Variants in ERI1 observed in about 807,000 individuals in gnomAD.
ERI1 encodes the protein exoribonuclease 1.
In ERI1, 39 loss-of-function variants were observed where a neutral mutation model predicts 39.7. That is an observed-to-expected ratio of 0.98 (90% CI 0.76 to 1.28). The LOEUF (loss-of-function observed/expected upper bound fraction) is 1.28, where lower values mean the gene tolerates loss of function less well. Among genes scored for constraint, ERI1 ranks in the 50% most tolerant of loss-of-function variants. The pLI, the probability that ERI1 is intolerant of heterozygous loss-of-function variation, is 0.00. For missense variants in ERI1, 581 were observed against 416.9 expected (o/e 1.39, Z -3.43); for synonymous variants, 204 against 149.6 (o/e 1.36, Z -2.65).
In ERI1 at chr8:9,003,044, C is replaced by G; in HGVS notation, c.-20C>G. ...GCAAGTGTCCGGCTCCAGCAACTCT[C>G]CTCTGGCGTGACAGCCGGCATGGAG... On this transcript the variant is annotated 5_prime_UTR_variant, in exon 1 of 7. Transcript: ENST00000250263. The G allele has an allele frequency of 8.1e-7, 1 of 1,238,892 alleles. No individual in the cohort carries two copies. The highest frequency in any genetic ancestry group is 1.0e-6 in the Non-Finnish European group (1 of 980,506). 76.7% of individuals were successfully genotyped at this position (1,238,892 alleles called of 1,614,324 possible).
chr8:9,022,180 G>A (rs544419187), intron 6 of ERI1, among the ~76,000 whole-genome samples: 1 of 152,180 alleles, frequency 6.6e-6, no homozygotes, highest in Non-Finnish European at 1.5e-5. Flanking sequence ...CATTTTAAAT[G>A]TTTTGTAAAT....
At chr8:9,047,205 C>T (rs989302434) in intron 3 of ERI1, among the ~76,000 whole-genome samples, 1 of 152,180 alleles carries the variant, frequency 6.6e-6, no homozygotes, top group Non-Finnish European at 1.5e-5. Context: ...CACCATCCCA[C>T]ACCTAAAAAT....
intron 3 of ERI1, among the ~76,000 whole-genome samples, chr8:9,056,108 C>G (rs917650212): frequency 2.0e-5 from 3 of 152,204 alleles, no homozygotes; most frequent in African/African-American, 7.2e-5. Context: ...TGCCTATGTG[C>G]TATGGGTTCC....
chr8:9,094,494 G>C (rs190624093), intron 3 of ERI1, among the ~76,000 whole-genome samples: 4 of 152,152 alleles, frequency 2.6e-5, no homozygotes, highest in African/African-American at 9.6e-5. Flanking sequence ...CCACCTGTTT[G>C]CTCTGCGCAC....
At chr8:9,009,834 G>T in intron 2 of ERI1, among the ~76,000 whole-genome samples, 1 of 152,196 alleles carries the variant, frequency 6.6e-6, no homozygotes. Flanking sequence ...GCTGGTTGAG[G>T]CCATGGCTTA....
chr8:9,070,875 T>C (rs551275951), intron 3 of ERI1, among the ~76,000 whole-genome samples: 3 of 152,328 alleles, frequency 2.0e-5, no homozygotes, highest in South Asian at 4.1e-4. Context: ...GCAGCCCATG[T>C]GTGCAGGGCC....
At chr8:9,063,717 T>C (rs1798778545) in intron 3 of ERI1, among the ~76,000 whole-genome samples, 1 of 152,172 alleles carries the variant, frequency 6.6e-6, no homozygotes, top group Non-Finnish European at 1.5e-5. Flanking sequence ...CATTTGCCCA[T>C]TTTACAACAA....
At chr8:9,027,042 T>C (rs1449388626) in intron 6 of ERI1, among the ~76,000 whole-genome samples, 1 of 152,116 alleles carries the variant, frequency 6.6e-6, no homozygotes, top group Non-Finnish European at 1.5e-5. Context: ...AATCTCCACA[T>C]TGTTTCCCAC....
chr8:9,022,698 C>A (rs943911152), intron 6 of ERI1, among the ~76,000 whole-genome samples: 5 of 152,224 alleles, frequency 3.3e-5, no homozygotes, highest in African/African-American at 7.2e-5. Flanking sequence ...CTGCACCTGG[C>A]CTTTTGTGGA....
chr8:9,058,708 A>G (rs745420222), intron 3 of ERI1, among the ~76,000 whole-genome samples: 1 of 152,034 alleles, frequency 6.6e-6, no homozygotes, highest in South Asian at 2.1e-4. Context: ...TACAAGATTT[A>G]TGCATGATGT....
intron 3 of ERI1, among the ~76,000 whole-genome samples, chr8:9,014,821 A>G (rs963683438): frequency 3.3e-5 from 5 of 151,974 alleles, no homozygotes; most frequent in Non-Finnish European, 7.4e-5. Context: ...TTGAAGTTCA[A>G]TTATTCTTTT....
chr8:9,018,405 G>T lies in ERI1; in HGVS notation c.691G>T (p.Gly231Cys), dbSNP rs746549298. ...GTATAAATACTCACTTTTAACAGATGGGTAAGTATTTAGGAAGATTATTTT... is the reference window on the plus strand; with the variant it reads ...GTATAAATACTCACTTTTAACAGATTGGTAAGTATTTAGGAAGATTATTTT... Reference protein sequence around the residue: ...TKYKYSLLTDGSWDMSKFLNI... With the variant: ...TKYKYSLLTDCSWDMSKFLNI... The change falls in exon 5 of 7, where the codon GGT (glycine) becomes TGT (cysteine). Residue 231 changes from glycine (G) to cysteine (C), a missense_variant and splice_region_variant. By Grantham distance (159) the Gly-to-Cys change is radical. Coordinates refer to ENST00000250263, the MANE Select transcript of ERI1 (RefSeq NM_153332.4). The T allele has an allele frequency of 1.3e-6, 2 of 1,486,318 alleles. No homozygotes were observed. The highest frequency in any genetic ancestry group is 1.9e-6 in the Non-Finnish European group (2 of 1,068,894). The allele number at this position is 1,486,318 out of a possible 1,614,324, so 92.1% of individuals were successfully genotyped here.
At chr8:9,060,402 T>TG (rs1798652901) in intron 3 of ERI1, among the ~76,000 whole-genome samples, 1 of 140,184 alleles carries the variant, frequency 7.1e-6, no homozygotes, top group Non-Finnish European at 1.6e-5. Context: ...CCAATCCTGG[T>TG]GGGGGGCGGG....
At chr8:9,085,133 C>T (rs1799485694) in intron 3 of ERI1, among the ~76,000 whole-genome samples, 1 of 152,174 alleles carries the variant, frequency 6.6e-6, no homozygotes, top group Admixed American at 6.6e-5. Flanking sequence ...TGATTTACAT[C>T]AGCAAATTCC....
chr8:9,075,977 G>C (rs1420297671), intron 3 of ERI1, among the ~76,000 whole-genome samples: 1 of 151,878 alleles, frequency 6.6e-6, no homozygotes, highest in African/African-American at 2.4e-5. Context: ...ACCCAGGCTG[G>C]AGTGCAGTGG....
chr8:9,007,948 T>C (rs1324619444), intron 1 of ERI1, 22 bp from the exon 2 acceptor site: 2 of 1,343,476 alleles, frequency 1.5e-6, no homozygotes, highest in African/African-American at 1.7e-5. Context: ...TTTTTTTTTT[T>C]TTTTTTTTTT....
downstream of ERI1, among the ~76,000 whole-genome samples, chr8:9,035,735 A>C (rs1797822623): frequency 6.6e-6 from 1 of 152,254 alleles, no homozygotes; most frequent in Admixed American, 6.5e-5. Context: ...CTTACTATTT[A>C]ATAAATACAT....
At chr8:9,055,876 A>G (rs1015425824) in intron 3 of ERI1, among the ~76,000 whole-genome samples, 1 of 152,160 alleles carries the variant, frequency 6.6e-6, no homozygotes, top group African/African-American at 2.4e-5. Flanking sequence ...CTTTGAGGGA[A>G]AGGGGTTCTG....
chr8:9,041,756 CAG>C (rs1376375145), intron 3 of ERI1, among the ~76,000 whole-genome samples: 2 of 152,170 alleles, frequency 1.3e-5, no homozygotes, highest in Non-Finnish European at 2.9e-5. Flanking sequence ...TCTTTTTAGA[CAG>C]AGTTTCGCTG....
Sources: allele counts gnomAD v4.1 joint callset (sites outside exome capture counted in the v4.1 genomes callset), GRCh38; gene constraint gnomAD v4.1.1; transcripts MANE v1.5; gene names NCBI Gene and HGNC (gene_info 2026-07-23, HGNC 2026-07-21).